Variants in KDM2B observed in about 807,000 individuals in gnomAD.
The protein encoded by KDM2B is lysine-specific demethylase 2B.
A neutral mutation model predicts 150.0 loss-of-function variants in KDM2B; 26 were observed. That is an observed-to-expected ratio of 0.17 (90% CI 0.13 to 0.24). The LOEUF is 0.24. KDM2B is among the 10% of genes least tolerant of loss of function. The probability of loss-of-function intolerance (pLI) is 1.00; values close to 1 mark genes in which losing one functional copy is unlikely to be tolerated. For missense variants in KDM2B, 1,265 were observed against 1,816.9 expected (o/e 0.70, Z 5.52); for synonymous variants, 734 against 729.5 (o/e 1.01, Z -0.10).
At chr12:121,561,044 G>T (rs942387645) in intron 4 of KDM2B, among the ~76,000 whole-genome samples, 1 of 145,160 alleles carries the variant, frequency 6.9e-6, no homozygotes, top group Non-Finnish European at 1.5e-5. Flanking sequence ...CCCTCCCTCC[G>T]CCGCCCACCC....
chr12:121,517,492 G>A (rs1339596331), intron 9 of KDM2B, among the ~76,000 whole-genome samples: 1 of 147,092 alleles, frequency 6.8e-6, no homozygotes, highest in African/African-American at 2.5e-5. Flanking sequence ...TTTTTGAGAT[G>A]GAGTCTCGCT....
intron 10 of KDM2B, among the ~76,000 whole-genome samples, chr12:121,511,239 A>T (rs1555303945): frequency 6.7e-6 from 1 of 149,636 alleles, no homozygotes; most frequent in Admixed American, 6.7e-5. Flanking sequence ...CGAACTCCTA[A>T]CGTCAGGGAT....
At chr12:121,526,285 A>C (rs1359675918) in intron 8 of KDM2B, among the ~76,000 whole-genome samples, 1 of 151,994 alleles carries the variant, frequency 6.6e-6, no homozygotes, top group African/African-American at 2.4e-5. Flanking sequence ...CCCAGGAGGT[A>C]AAAGTTGCAG....
intron 11 of KDM2B, among the ~76,000 whole-genome samples, chr12:121,497,391 G>A (rs899907193): frequency 3.9e-5 from 6 of 152,060 alleles, no homozygotes; most frequent in Admixed American, 6.6e-5. Context: ...TGCAACCTCT[G>A]CCTCCCAGGT....
intron 8 of KDM2B, among the ~76,000 whole-genome samples, chr12:121,528,515 T>C (rs1887349142): frequency 6.6e-6 from 1 of 151,604 alleles, no homozygotes; most frequent in African/African-American, 2.4e-5. Flanking sequence ...GTCGAGATGG[T>C]GCCCAGTGCA....
rs1452860015 is a variant in KDM2B, at chr12:121,476,936, A to T, written c.1734+17643T>A. Reference sequence around the variant, plus strand: ...TTAAAGGGCAAGAAGTGAAGCCCTCACACTGCTGGCTCAGGAGGAACTGTT... The same window carrying T: ...TTAAAGGGCAAGAAGTGAAGCCCTCTCACTGCTGGCTCAGGAGGAACTGTT... On this transcript the variant is annotated intron_variant, in intron 12 of 22. Coordinates refer to ENST00000377071, the MANE Select transcript of KDM2B (RefSeq NM_032590.5). Among the ~76,000 whole-genome samples, 3 of 152,252 alleles carry T rather than the reference A, an allele frequency of 2.0e-5. No homozygotes were observed. In the East Asian group the frequency reaches 5.8e-4, roughly 29 times the overall value.
intron 4 of KDM2B, among the ~76,000 whole-genome samples, chr12:121,562,028 C>T (rs562835470): frequency 7.3e-5 from 11 of 151,422 alleles, no homozygotes; most frequent in Non-Finnish European, 1.3e-4. Context: ...AAAAATTAGC[C>T]GGGCGTGGTG....
At chr12:121,461,013 G>A (rs1178294137) in intron 12 of KDM2B, among the ~76,000 whole-genome samples, 3 of 152,192 alleles carry the variant, frequency 2.0e-5, no homozygotes, top group Middle Eastern at 6.3e-3. Context: ...AGAAAGCTGA[G>A]ATACAGACCC....
chr12:121,479,260 T>C (rs1352291710), intron 12 of KDM2B, among the ~76,000 whole-genome samples: 4 of 151,528 alleles, frequency 2.6e-5, no homozygotes, highest in South Asian at 2.1e-4. Context: ...CCATCCTGGC[T>C]AACAAGGTGA....
chr12:121,497,941 C>T (rs1884149789), intron 11 of KDM2B, among the ~76,000 whole-genome samples: 4 of 151,856 alleles, frequency 2.6e-5, no homozygotes, highest in Non-Finnish European at 5.9e-5. Flanking sequence ...ACTAAAACTA[C>T]AAAAATTAGC....
At chr12:121,470,510 A>C (rs1555295783) in intron 12 of KDM2B, 1 of 152,258 alleles carries the variant, frequency 6.6e-6, no homozygotes, top group Non-Finnish European at 1.5e-5. Flanking sequence ...CAATAACAGC[A>C]GCTTTAAGCA....
downstream of KDM2B, among the ~76,000 whole-genome samples, chr12:121,428,540 A>T (rs782054393): frequency 6.6e-6 from 1 of 152,240 alleles, no homozygotes; most frequent in Non-Finnish European, 1.5e-5. Flanking sequence ...CTCAGCCATC[A>T]GCAAGAAAAG....
intron 11 of KDM2B, 37 bp from the exon 12 acceptor site, chr12:121,494,702 G>C: frequency 6.5e-7 from 1 of 1,530,534 alleles, no homozygotes; most frequent in South Asian, 1.2e-5. Context: ...AGCCCAGGGG[G>C]AAGGGGAGGT....
At chr12:121,450,327 A>G (rs1317758248) in intron 13 of KDM2B, among the ~76,000 whole-genome samples, 3 of 151,850 alleles carry the variant, frequency 2.0e-5, no homozygotes, top group Non-Finnish European at 4.4e-5. Flanking sequence ...AAAAAAAAAG[A>G]AAGAAAAAAA....
chr12:121,414,485 C>T, the KDM2B span, among the ~76,000 whole-genome samples: 1 of 152,058 alleles, frequency 6.6e-6, no homozygotes, highest in African/African-American at 2.4e-5. Context: ...ATAGTGATAG[C>T]CCTGGTGGCT....
At chr12:121,419,102 A>G in the KDM2B span, among the ~76,000 whole-genome samples, 2 of 152,228 alleles carry the variant, frequency 1.3e-5, no homozygotes, top group Non-Finnish European at 2.9e-5. Flanking sequence ...TGTTTTGGTC[A>G]GTGATAGACC....
intron 11 of KDM2B, among the ~76,000 whole-genome samples, chr12:121,505,671 G>A (rs1317494041): frequency 6.6e-6 from 1 of 152,152 alleles, no homozygotes; most frequent in Non-Finnish European, 1.5e-5. Flanking sequence ...GTTACCCTGA[G>A]CCACCACAAG....
At chr12:121,478,103 C>T (rs1333753582) in intron 12 of KDM2B, among the ~76,000 whole-genome samples, 3 of 151,884 alleles carry the variant, frequency 2.0e-5, no homozygotes, top group Non-Finnish European at 4.4e-5. Flanking sequence ...GGATGGTCAA[C>T]AAATAACCCT....
intron 4 of KDM2B, among the ~76,000 whole-genome samples, chr12:121,565,137 A>C (rs1555314628): frequency 6.7e-6 from 1 of 149,826 alleles, no homozygotes; most frequent in Non-Finnish European, 1.5e-5. Flanking sequence ...CCGGCCTGAA[A>C]AGGAAATCTT....
Sources: gnomAD v4.1 joint callset for allele counts (sites outside exome capture counted in the v4.1 genomes callset) on GRCh38, gnomAD v4.1.1 for gene constraint, MANE v1.5 for transcripts, NCBI Gene and HGNC (gene_info 2026-07-23, HGNC 2026-07-21) for gene names.